The following AFF2 variants were observed in gnomAD, a reference collection of about 807,000 sequenced individuals.
AFF2 encodes AF4/FMR2 family member 2.
AFF2 carries 14 observed loss-of-function variants against 76.9 expected under a neutral mutation model. The observed-to-expected ratio is 0.18, with a 90% CI of 0.12 to 0.28. The LOEUF (loss-of-function observed/expected upper bound fraction) is 0.28, where lower values mean the gene tolerates loss of function less well. Ranked by LOEUF, AFF2 falls within the 10% of genes least tolerant of loss-of-function variation. The pLI, the probability that AFF2 is intolerant of heterozygous loss-of-function variation, is 1.00. For missense variants in AFF2, 868 were observed against 1,001.1 expected (o/e 0.87, Z 1.79); for synonymous variants, 398 against 366.7 (o/e 1.09, Z -0.98).
chrX:148,704,514 A>T (rs1457863099), intron 3 of AFF2, among the ~76,000 whole-genome samples: 2 of 57,922 alleles, frequency 3.5e-5, no homozygotes, highest in Non-Finnish European at 7.5e-5. Flanking sequence ...GTATATATAT[A>T]TTTTTATATA....
At chrX:148,872,021 G>A (rs1199730528) in intron 7 of AFF2, among the ~76,000 whole-genome samples, 1 of 111,367 alleles carries the variant, frequency 9.0e-6, no homozygotes, top group African/African-American at 3.3e-5. Context: ...AAGCAGAGTG[G>A]TTAGGGACAT....
chrX:148,578,313 A>T (rs1557243806), intron 1 of AFF2, among the ~76,000 whole-genome samples: 1 of 110,883 alleles, frequency 9.0e-6, no homozygotes, highest in African/African-American at 3.3e-5. Context: ...CATTTTGATA[A>T]CTTCCCAGCA....
At chrX:148,940,028 G>C (rs182746297) in intron 9 of AFF2, among the ~76,000 whole-genome samples, 298 of 111,751 alleles carry the variant, frequency 2.7e-3, no homozygotes, top group Non-Finnish European at 4.9e-3. Context: ...CCAGTGTTTT[G>C]CCCAAGTTTC....
At chrX:148,814,074 G>T (rs1557271981) in intron 4 of AFF2, among the ~76,000 whole-genome samples, 1 of 112,155 alleles carries the variant, frequency 8.9e-6, no homozygotes, top group East Asian at 2.8e-4. Context: ...TTAGAGTCAA[G>T]CTACCCTCAC....
At chrX:148,694,182 G>A (rs982812995) in intron 3 of AFF2, among the ~76,000 whole-genome samples, 1 of 102,461 alleles carries the variant, frequency 9.8e-6, no homozygotes, top group Non-Finnish European at 2.0e-5. Flanking sequence ...GGTCGGGGGG[G>A]GGGAGGGATA....
intron 3 of AFF2, among the ~76,000 whole-genome samples, chrX:148,744,696 G>A (rs895180902): frequency 8.0e-5 from 9 of 112,043 alleles, no homozygotes; most frequent in Non-Finnish European, 1.5e-4. Flanking sequence ...ACATGCCAGC[G>A]ATCTAAGAGC....
At chrX:148,587,608 A>G (rs781914053) in intron 1 of AFF2, among the ~76,000 whole-genome samples, 4 of 111,864 alleles carry the variant, frequency 3.6e-5, no homozygotes, top group Non-Finnish European at 7.5e-5. Flanking sequence ...TTTGAGTTGA[A>G]CCCTTAAAAG....
At chrX:148,982,314 C>T (rs782042238) in intron 19 of AFF2, among the ~76,000 whole-genome samples, 6 of 111,802 alleles carry the variant, frequency 5.4e-5, no homozygotes, top group Admixed American at 3.8e-4. Flanking sequence ...GGTTATGTCT[C>T]GTTCATTCAG....
intron 7 of AFF2, among the ~76,000 whole-genome samples, chrX:148,845,676 T>C (rs1255245516): frequency 3.6e-5 from 4 of 112,257 alleles, no homozygotes; most frequent in African/African-American, 1.3e-4. Context: ...TTAACTACAG[T>C]GTGCTTTTTA....
At chrX:148,644,960 T>C (rs1187521781) in intron 1 of AFF2, among the ~76,000 whole-genome samples, 2 of 111,971 alleles carry the variant, frequency 1.8e-5, no homozygotes, top group Admixed American at 9.5e-5. Context: ...AGAAGAAATA[T>C]TTAGAAACAT....
intron 1 of AFF2, among the ~76,000 whole-genome samples, chrX:148,552,931 T>C (rs1452511486): frequency 8.9e-6 from 1 of 111,790 alleles, no homozygotes; most frequent in East Asian, 2.8e-4. Flanking sequence ...ATTTGTTGCT[T>C]GGTAGGAAGA....
chrX:148,725,478 T>G (rs2055145422), intron 3 of AFF2, among the ~76,000 whole-genome samples: 1 of 111,436 alleles, frequency 9.0e-6, no homozygotes, highest in African/African-American at 3.3e-5. Context: ...CACAGTTTCT[T>G]AAAAGGCACT....
At chrX:148,661,738 A>AT (rs1184174462) in intron 2 of AFF2, among the ~76,000 whole-genome samples, 170 bp from the exon 3 acceptor site, 2 of 111,401 alleles carry the variant, frequency 1.8e-5, no homozygotes, top group Admixed American at 1.9e-4. Flanking sequence ...AGTGTTCTTG[A>AT]TTTTTTTTCT....
intron 1 of AFF2, among the ~76,000 whole-genome samples, chrX:148,607,940 A>G (rs911973538): frequency 1.8e-5 from 2 of 112,094 alleles, no homozygotes; most frequent in African/African-American, 6.5e-5. Context: ...TCAACAGAAT[A>G]ATACAATGAG....
At chrX:148,719,104 G>A (rs1188172964) in intron 3 of AFF2, 2 of 1,110,757 alleles carry the variant, frequency 1.8e-6, no homozygotes, top group Admixed American at 5.3e-5. Context: ...TTTGGTTGTG[G>A]CAACCCAGAG....
chrX:148,704,254 A>G (rs1290961229), intron 3 of AFF2, among the ~76,000 whole-genome samples: 2 of 59,546 alleles, frequency 3.4e-5, no homozygotes, highest in Admixed American at 2.1e-4. Flanking sequence ...TTATATATAT[A>G]TGTGTGTATA....
chrX:148,513,498 G>C (rs1249717117), intron 1 of AFF2, among the ~76,000 whole-genome samples: 2 of 111,614 alleles, frequency 1.8e-5, no homozygotes, highest in African/African-American at 6.5e-5. Context: ...TTTGAAATCT[G>C]TTCGGCCTAC....
rs192271773 is a variant in AFF2, at chrX:148,835,134, C to T, written c.1087-2513C>T. ...TACAGAAAACCTAGGGGAAAAGGTA[C>T]ACTTTTGAGAAGTGACTTTATTCTT... is the stretch of plus-strand genomic sequence containing the variant. On this transcript the variant is annotated intron_variant, in intron 4 of 20. Coordinates refer to ENST00000370460, the MANE Select transcript of AFF2 (RefSeq NM_002025.4). Among the ~76,000 whole-genome samples, 12 of 111,564 alleles carry T rather than the reference C, an allele frequency of 1.1e-4. No homozygotes were observed. In the East Asian group the frequency reaches 3.1e-3, roughly 29 times the overall value.
intron 3 of AFF2, among the ~76,000 whole-genome samples, chrX:148,793,251 G>A (rs2069923414): frequency 9.3e-6 from 1 of 107,860 alleles, no homozygotes; most frequent in Non-Finnish European, 1.9e-5. Context: ...TCTTTGGCAG[G>A]GTGGGTGGGG....
Sources: allele counts gnomAD v4.1 joint callset (sites outside exome capture counted in the v4.1 genomes callset), GRCh38; gene constraint gnomAD v4.1.1; transcripts MANE v1.5; gene names NCBI Gene and HGNC (gene_info 2026-07-23, HGNC 2026-07-21).